GFRA2: variants seen among roughly 807,000 people sequenced by gnomAD.
GFRA2 encodes GDNF family receptor alpha 2.
Under a neutral mutation model 48.3 loss-of-function variants are expected in GFRA2, and 17 were observed. The ratio of observed to expected loss-of-function variants is 0.35; its 90% CI spans 0.24 to 0.53. GFRA2 has a LOEUF of 0.53. Among genes scored for constraint, GFRA2 ranks in the 20% least tolerant of loss-of-function variants. The probability of loss-of-function intolerance (pLI) is 0.93; values close to 1 mark genes in which losing one functional copy is unlikely to be tolerated. For missense variants in GFRA2, 660 were observed against 637.3 expected (o/e 1.04, Z -0.38); for synonymous variants, 305 against 257.2 (o/e 1.19, Z -1.78).
At chr8:21,807,523 A>G (rs1807894991) in intron 1 of GFRA2, among the ~76,000 whole-genome samples, 1 of 152,216 alleles carries the variant, frequency 6.6e-6, no homozygotes, top group African/African-American at 2.4e-5. Context: ...GGGTAGCTTA[A>G]ATGCAGAAAT....
intron 8 of GFRA2, 30 bp downstream of exon 8, chr8:21,694,434 G>A (rs1269516470): frequency 1.5e-5 from 24 of 1,603,814 alleles, no homozygotes; most frequent in African/African-American, 2.7e-5. Flanking sequence ...CCAGCCTTCT[G>A]CACCCATCCC....
In GFRA2 at chr8:21,692,901, C is replaced by G. The variant is rs780138339; in HGVS notation, c.*377G>C. On this transcript the variant is annotated 3_prime_UTR_variant, in exon 9 of 9. Transcript: ENST00000524240. ...GGGGAAGCAGCTGTGTTGTCCTGCC[C>G]CCAGCCAGCCTCAGGCACAGCCCAG... 3.6e-4 allele frequency: 57 copies of G among 156,616 alleles called. No homozygotes were observed. The highest frequency in any genetic ancestry group is 7.2e-4 in the Non-Finnish European group (51 of 70,968). The allele number at this position is 156,616 out of a possible 1,614,324, so 9.7% of individuals were successfully genotyped here. A position where few individuals can be genotyped will look rare whatever the true frequency, so the allele number is the denominator to read the frequency against.
chr8:21,697,275 G>A (rs1417869888), intron 7 of GFRA2, among the ~76,000 whole-genome samples: 1 of 151,254 alleles, frequency 6.6e-6, no homozygotes, highest in African/African-American at 2.4e-5. Flanking sequence ...AGGGGACAGA[G>A]GAACAGAAGA....
In GFRA2 at chr8:21,750,881, G is replaced by A. The variant is rs376903391; in HGVS notation, c.501C>T (p.Ala167=). 1 of 1,613,862 alleles carries A rather than the reference G, an allele frequency of 6.2e-7. No individual in the cohort carries two copies. The highest frequency in any genetic ancestry group is 8.5e-7 in the Non-Finnish European group (1 of 1,179,872). Residue 167 remains alanine (A), a synonymous_variant, in exon 4 of 9, where the codon GCC becomes GCT. Coordinates refer to ENST00000524240, the MANE Select transcript of GFRA2 (RefSeq NM_001495.5). This position sits in a 1 kb window ranked among gnomAD's most constrained non-coding sequence, Gnocchi z 5.7. ...TCTTGCAGTTGTCATTCAGGTTGCA[G>A]GCCTTGGCAGCATCCAGGCAATGGT... ...KSNHCLDAAK[A]CNLNDNCKKL...
intron 4 of GFRA2, among the ~76,000 whole-genome samples, chr8:21,713,781 T>C (rs1197721304): frequency 6.6e-6 from 1 of 152,182 alleles, no homozygotes; most frequent in African/African-American, 2.4e-5. Flanking sequence ...AATCTGCACC[T>C]TAACAAGCCC....
intron 2 of GFRA2, among the ~76,000 whole-genome samples, chr8:21,803,977 C>G (rs1807814253): frequency 6.6e-6 from 1 of 152,086 alleles, no homozygotes; most frequent in Admixed American, 6.6e-5. Context: ...TTATTTAAGC[C>G]TCACAATAAC....
upstream of GFRA2, among the ~76,000 whole-genome samples, chr8:21,789,496 G>A (rs900477331): frequency 9.9e-5 from 15 of 152,006 alleles, no homozygotes; most frequent in Admixed American, 2.0e-4. Context: ...GCCCGGGTCT[G>A]AGGGGGGCTC....
intron 4 of GFRA2, among the ~76,000 whole-genome samples, chr8:21,725,688 T>C (rs1407363340): frequency 2.0e-5 from 3 of 152,174 alleles, no homozygotes; most frequent in African/African-American, 7.2e-5. Context: ...TTCCCCACTT[T>C]ACAGAGAAGG....
chr8:21,764,996 C>T (rs921421229), intron 3 of GFRA2, among the ~76,000 whole-genome samples: 1 of 152,190 alleles, frequency 6.6e-6, no homozygotes, highest in African/African-American at 2.4e-5. Context: ...CATGGGTGAC[C>T]TCCATGTCAC....
rs188312146 is a variant in GFRA2, at chr8:21,694,791, C to T, written c.1219-274G>A. Among the ~76,000 whole-genome samples the T allele has an allele frequency of 1.2e-4, 19 of 152,320 alleles. No individual in the cohort carries two copies. The East Asian group carries it at 3.5e-3, about 28-fold the overall frequency. On this transcript the variant is annotated intron_variant, in intron 7 of 8. Transcript: ENST00000524240. ...CGGCATTATATAGTCATCAGCCATT[C>T]GCATGTCTGTCCATATACTCAGCGC...
intron 4 of GFRA2, among the ~76,000 whole-genome samples, chr8:21,745,806 C>A (rs1804976771): frequency 6.6e-6 from 1 of 152,150 alleles, no homozygotes; most frequent in Non-Finnish European, 1.5e-5. Context: ...TAGAAAGAAG[C>A]CACTCCTCTC....
intron 3 of GFRA2, among the ~76,000 whole-genome samples, chr8:21,754,510 T>TTC (rs1554493323): frequency 1.4e-5 from 2 of 144,252 alleles, no homozygotes; most frequent in Admixed American, 1.4e-4. Context: ...TTTTTCTTTT[T>TTC]TTTTTTTTTT....
intron 3 of GFRA2, among the ~76,000 whole-genome samples, chr8:21,771,538 C>A (rs1445721090): frequency 1.3e-5 from 2 of 152,204 alleles, no homozygotes; most frequent in Non-Finnish European, 2.9e-5. Context: ...AGAAGCTGCC[C>A]TTCCCCAAGG....
At chr8:21,728,828 C>T (rs1196463617) in intron 4 of GFRA2, among the ~76,000 whole-genome samples, 4 of 152,192 alleles carry the variant, frequency 2.6e-5, no homozygotes, top group Non-Finnish European at 4.4e-5. Flanking sequence ...TACGTATGCA[C>T]GGTTTGACAT....
At chr8:21,765,390 T>C (rs2117663994) in intron 3 of GFRA2, among the ~76,000 whole-genome samples, 1 of 152,152 alleles carries the variant, frequency 6.6e-6, no homozygotes, top group Non-Finnish European at 1.5e-5. Context: ...GGATTATAGG[T>C]GTGAGCCACT....
intron 7 of GFRA2, among the ~76,000 whole-genome samples, 161 bp from the exon 8 acceptor site, chr8:21,694,678 G>C (rs1375016246): frequency 6.6e-6 from 1 of 152,182 alleles, no homozygotes; most frequent in Non-Finnish European, 1.5e-5. Flanking sequence ...AGCACAAAAG[G>C]CTTCTGCCCT....
chr8:21,806,742 C>CA, intron 1 of GFRA2, among the ~76,000 whole-genome samples: 1 of 152,344 alleles, frequency 6.6e-6, no homozygotes, highest in Non-Finnish European at 1.5e-5. Context: ...ACTGGGATTA[C>CA]AGGTACAAGC....
chr8:21,769,236 G>GCCCCAGCCCCA (rs1157546414), intron 3 of GFRA2: 2 of 938,878 alleles, frequency 2.1e-6, no homozygotes, highest in Non-Finnish European at 2.5e-6. Flanking sequence ...CCGAAGTCTG[G>GCCCCAGCCCCA]CCCCAGCCCC....
intron 4 of GFRA2, among the ~76,000 whole-genome samples, chr8:21,713,134 T>C (rs1803156690): frequency 1.3e-5 from 2 of 152,304 alleles, no homozygotes; most frequent in South Asian, 2.1e-4. Flanking sequence ...GAATATTTAT[T>C]TAACTGGGCA....
Sources: gnomAD v4.1 joint callset for allele counts (sites outside exome capture counted in the v4.1 genomes callset) on GRCh38, gnomAD v4.1.1 for gene constraint, Gnocchi (gnomAD v3.1) non-coding constraint, MANE v1.5 for transcripts, NCBI Gene and HGNC (gene_info 2026-07-23, HGNC 2026-07-21) for gene names.